MYCBP2: variants seen among roughly 807,000 people sequenced by gnomAD.
MYCBP2 encodes MYC binding protein 2, also known as E3 ubiquitin-protein ligase MYCBP2.
MYCBP2 carries 120 observed loss-of-function variants against 525.3 expected under a neutral mutation model. The ratio of observed to expected loss-of-function variants is 0.23; its 90% confidence interval spans 0.20 to 0.27. The LOEUF (loss-of-function observed/expected upper bound fraction) is 0.27, where lower values mean the gene tolerates loss of function less well. MYCBP2 is among the 10% of genes least tolerant of loss of function. The probability of loss-of-function intolerance (pLI) is 1.00; values close to 1 mark genes in which losing one functional copy is unlikely to be tolerated. For missense variants in MYCBP2, 4,149 were observed against 5,657.1 expected (o/e 0.73, Z 8.55); for synonymous variants, 1,894 against 1,955.8 (o/e 0.97, Z 0.83).
At position 77,326,992 on chromosome 13, in the gene MYCBP2, A is replaced by C; in HGVS notation, c.-217T>G. 1 of 441,848 alleles carries C rather than the reference A, an allele frequency of 2.3e-6. No individual in the cohort carries two copies. The highest frequency in any genetic ancestry group is 3.9e-6 in the Non-Finnish European group (1 of 258,928). 27.4% of individuals were successfully genotyped at this position (441,848 alleles called of 1,614,324 possible). A position where few individuals can be genotyped will look rare whatever the true frequency, so the allele number is the denominator to read the frequency against. On this transcript the variant is annotated 5_prime_UTR_variant, in exon 1 of 83. Transcript: ENST00000544440. This position sits in a 1 kb window ranked among gnomAD's most constrained non-coding sequence, Gnocchi z 4.2. The stretch of plus-strand genomic sequence containing the variant: ...CGCCGCTACTGGGGCCGCTCATCTA[A>C]CCCCGCCACCCCGGGAATGTGAGGA...
At chr13:77,123,937 G>A (rs2051196777) in intron 54 of MYCBP2, among the ~76,000 whole-genome samples, 1 of 152,080 alleles carries the variant, frequency 6.6e-6, no homozygotes, top group Non-Finnish European at 1.5e-5. Flanking sequence ...AAGTGAAAAA[G>A]TCATTTAGTA....
rs751702452 is a variant in MYCBP2, at chr13:77,095,367, G to A, written c.10190C>T (p.Thr3397Ile). The A allele has an allele frequency of 1.8e-5, 29 of 1,613,126 alleles. No homozygotes were observed. Among genetic ancestry groups the A allele is most frequent in the Non-Finnish European group, 1.9e-5 (23 of 1,179,592 alleles). ...PVKMPCLYLQ[T>I]LARHHHENFV... ...AGCAAAATTTTATTACCTAGCTAAT[G>A]TCTGCAGGTAGAGACAAGGCATTTT... Residue 3397 changes from threonine (T) to isoleucine (I), a missense_variant, in exon 58 of 83, where the codon ACA becomes ATA. Coordinates refer to ENST00000544440, the MANE Select transcript of MYCBP2 (RefSeq NM_015057.5).
intron 44 of MYCBP2, among the ~76,000 whole-genome samples, chr13:77,159,303 A>G (rs553728631): frequency 1.3e-5 from 2 of 152,342 alleles, no homozygotes; most frequent in African/African-American, 4.8e-5. Context: ...ACATTGCCTA[A>G]CAAATAGTAA....
At chr13:77,196,845 A>C (rs61964704) in intron 26 of MYCBP2, among the ~76,000 whole-genome samples, 8,484 of 152,340 alleles carry the variant, frequency 0.056, 341 homozygotes, top group Non-Finnish European at 0.089. Flanking sequence ...GAAGAGGTTT[A>C]TAAATTTAAA....
At chr13:77,108,704 TA>T (rs1156930556) in intron 55 of MYCBP2, among the ~76,000 whole-genome samples, 1 of 150,146 alleles carries the variant, frequency 6.7e-6, no homozygotes, top group African/African-American at 2.5e-5. Context: ...TAAGATACTT[TA>T]TTTTTTTTTT....
intron 49 of MYCBP2, among the ~76,000 whole-genome samples, chr13:77,142,245 G>A (rs953010039): frequency 6.6e-6 from 1 of 152,024 alleles, no homozygotes; most frequent in Non-Finnish European, 1.5e-5. Context: ...TTTTGTTTGC[G>A]TGTTTTATTT....
At chr13:77,318,900 T>A (rs1307869457) in intron 1 of MYCBP2, among the ~76,000 whole-genome samples, 1 of 152,180 alleles carries the variant, frequency 6.6e-6, no homozygotes, top group African/African-American at 2.4e-5. Flanking sequence ...CAGTGCTTGA[T>A]CTGTATCACA....
rs1300829455 is a variant in MYCBP2, at chr13:77,140,143, C to T, written c.7422G>A (p.Lys2474=). 3.1e-6 allele frequency: 5 copies of T among 1,603,864 alleles called. No individual in the cohort carries two copies. In the South Asian group the frequency reaches 3.4e-5, roughly 11 times the overall value. ...TACGGATGCGAAGCCCCGCACTGTC[C>T]TTGGCCACAAATTTTCGAACCTGAG... ...QPNKVRKFVA[K]DSAGLRIRSH... The change falls in exon 51 of 83, where the codon AAG becomes AAA. Residue 2474 remains lysine, a synonymous_variant. Coordinates refer to ENST00000544440, the MANE Select transcript of MYCBP2 (RefSeq NM_015057.5).
intron 46 of MYCBP2, among the ~76,000 whole-genome samples, chr13:77,153,019 C>G (rs541231440): frequency 1.4e-5 from 2 of 140,472 alleles, no homozygotes; most frequent in Non-Finnish European, 3.0e-5. Flanking sequence ...GAGCTGAAAT[C>G]GTGCCACTGT....
intron 69 of MYCBP2, among the ~76,000 whole-genome samples, chr13:77,069,449 C>T (rs1026534512): frequency 3.3e-5 from 5 of 151,402 alleles, no homozygotes; most frequent in Admixed American, 6.6e-5. Flanking sequence ...GGTGAAATCC[C>T]GTCTCTACTA....
intron 47 of MYCBP2, among the ~76,000 whole-genome samples, chr13:77,149,125 GTTCT>G (rs1251480325): frequency 1.3e-5 from 2 of 151,896 alleles, no homozygotes; most frequent in African/African-American, 4.8e-5. Flanking sequence ...ATTTCCTCTG[GTTCT>G]TTCTATAGTC....
intron 2 of MYCBP2, among the ~76,000 whole-genome samples, chr13:77,292,187 G>A (rs2077549478): frequency 6.6e-6 from 1 of 152,132 alleles, no homozygotes; most frequent in Non-Finnish European, 1.5e-5. Flanking sequence ...CTTTCTTTCT[G>A]ACATGAAAGC....
intron 7 of MYCBP2, among the ~76,000 whole-genome samples, 192 bp downstream of exon 7, chr13:77,269,800 G>T (rs1261246376): frequency 6.6e-6 from 1 of 152,110 alleles, no homozygotes; most frequent in Admixed American, 6.5e-5. Flanking sequence ...AGCAGGGCCA[G>T]AACTAAAATT....
At position 77,161,925 on chromosome 13, in the gene MYCBP2, A is replaced by G. The variant is rs1413221295; in HGVS notation, c.6578T>C (p.Leu2193Pro). The G allele has an allele frequency of 6.2e-7, 1 of 1,609,046 alleles. No homozygotes were observed. Among genetic ancestry groups the G allele is most frequent in the Admixed American group, 1.7e-5 (1 of 59,404 alleles). Residue 2193 changes from leucine to proline, a missense_variant, in exon 44 of 83, where the codon CTT becomes CCT. Coordinates refer to ENST00000544440, the MANE Select transcript of MYCBP2 (RefSeq NM_015057.5). ...GNELEEDLEI[L>P]EEAALQVCKT... ...CAATACCTGCAATGCAGCCTCCTCA[A>G]GAATTTCAAGGTCTTCTTCTAATTC...
chr13:77,070,753 T>C lies in MYCBP2; in HGVS notation c.11824-42A>G, dbSNP rs551548017. On this transcript the variant is annotated intron_variant, in intron 68 of 82. Coordinates refer to ENST00000544440, the MANE Select transcript of MYCBP2 (RefSeq NM_015057.5). ...AAAAAAAAAAAAAAGAATGAAGTGG[T>C]CTCTTTAAATAAAATTTGTATATGT... is the stretch of plus-strand genomic sequence containing the variant. The C allele has an allele frequency of 1.8e-5, 23 of 1,291,222 alleles. No homozygotes were observed. The South Asian group carries it at 3.1e-4, about 17-fold the overall frequency. The allele number at this position is 1,291,222 out of a possible 1,614,324, so 80.0% of individuals were successfully genotyped here.
intron 54 of MYCBP2, among the ~76,000 whole-genome samples, chr13:77,123,255 T>G (rs1179555230): frequency 6.6e-6 from 1 of 152,194 alleles, no homozygotes; most frequent in Non-Finnish European, 1.5e-5. Flanking sequence ...CACTCCAGGT[T>G]TTATATTAAA....
chr13:77,294,112 A>ATATATATATATG (rs2077821262), intron 2 of MYCBP2, among the ~76,000 whole-genome samples: 2 of 53,536 alleles, frequency 3.7e-5, no homozygotes, highest in Non-Finnish European at 9.6e-5. Context: ...GGCTATATAT[A>ATATATATATATG]TATATATATA....
Position 77,192,672 on chromosome 13 carries a change from T to C in MYCBP2, c.3936-859A>G, listed in dbSNP as rs563703463. Among the ~76,000 whole-genome samples the C allele has an allele frequency of 2.0e-5, 3 of 151,904 alleles. No homozygotes were observed. The South Asian group carries it at 6.3e-4, about 32-fold the overall frequency. On this transcript the variant is annotated intron_variant, in intron 27 of 82. Coordinates refer to ENST00000544440, the MANE Select transcript of MYCBP2 (RefSeq NM_015057.5). ...ATGCATTAAGACAGCTGTAGAAGAG[T>C]AGTGGTAGAAAGTCAAAAAAGATGC...
chr13:77,188,814 A>G, intron 30 of MYCBP2, 137 bp downstream of exon 30: 1 of 495,088 alleles, frequency 2.0e-6, no homozygotes, highest in East Asian at 3.4e-5. Context: ...GGTCTAGAAT[A>G]TAAATGTGAA....
Sources: allele counts gnomAD v4.1 joint callset (sites outside exome capture counted in the v4.1 genomes callset), GRCh38; gene constraint gnomAD v4.1.1; non-coding constraint Gnocchi (gnomAD v3.1); transcripts MANE v1.5; gene names NCBI Gene and HGNC (gene_info 2026-07-23, HGNC 2026-07-21).